Variants in SHISA9 observed in about 807,000 individuals in gnomAD.
The protein encoded by SHISA9 is protein shisa-9.
SHISA9 carries 13 observed loss-of-function variants against 38.0 expected under a neutral mutation model. That is an observed-to-expected ratio of 0.34 (90% CI 0.22 to 0.54). The LOEUF (loss-of-function observed/expected upper bound fraction) is 0.54, where lower values mean the gene tolerates loss of function less well. SHISA9 is among the 20% of genes least tolerant of loss of function. The pLI is 0.91. For synonymous variants in SHISA9, 275 were observed against 242.0 expected, an observed-to-expected ratio of 1.14 and a Z score of -1.27; for missense variants, 538 against 575.8, an observed-to-expected ratio of 0.93 and a Z score of 0.67.
intron 3 of SHISA9, chr16:13,204,846 C>G (rs1003913642): frequency 6.6e-6 from 1 of 152,190 alleles, no homozygotes; most frequent in Non-Finnish European, 1.5e-5. Flanking sequence ...AGAATTGAAC[C>G]CTATTTTTAT....
At chr16:13,507,484 C>A in the SHISA9 span, among the ~76,000 whole-genome samples, 41 of 152,222 alleles carry the variant, frequency 2.7e-4, no homozygotes, top group African/African-American at 9.4e-4. Flanking sequence ...TGACCTGGAG[C>A]TCTTGTTCCA....
the SHISA9 span, among the ~76,000 whole-genome samples, chr16:13,365,682 C>T: frequency 1.3e-5 from 2 of 152,106 alleles, no homozygotes; most frequent in Non-Finnish European, 1.5e-5. Context: ...TGGTCTCGAA[C>T]TCCTGACCTC....
At chr16:13,520,558 G>T in the SHISA9 span, among the ~76,000 whole-genome samples, 1 of 143,784 alleles carries the variant, frequency 7.0e-6, no homozygotes, top group Non-Finnish European at 1.5e-5. Flanking sequence ...AGCTGAGATG[G>T]CGCCATTGCA....
At chr16:13,219,343 A>G (rs2051200646) in intron 4 of SHISA9, among the ~76,000 whole-genome samples, 2 of 152,202 alleles carry the variant, frequency 1.3e-5, no homozygotes, top group South Asian at 4.1e-4. Context: ...AACTGGGCAT[A>G]GTGTTCAAAG....
At chr16:13,149,387 G>T (rs958872666) in intron 2 of SHISA9, among the ~76,000 whole-genome samples, 4 of 152,142 alleles carry the variant, frequency 2.6e-5, no homozygotes, top group Non-Finnish European at 5.9e-5. Context: ...TGCTCACTGG[G>T]CACAGGGTCA....
At chr16:13,486,845 C>G in the SHISA9 span, among the ~76,000 whole-genome samples, 4 of 152,238 alleles carry the variant, frequency 2.6e-5, no homozygotes, top group Non-Finnish European at 5.9e-5. Flanking sequence ...ACTGGGATTA[C>G]AGGCATGCGC....
chr16:13,004,639 G>T (rs1466102263), intron 2 of SHISA9, among the ~76,000 whole-genome samples: 1 of 151,920 alleles, frequency 6.6e-6, no homozygotes, highest in East Asian at 1.9e-4. Flanking sequence ...AAAGAAACAG[G>T]GTCTGCTAGG....
intron 2 of SHISA9, among the ~76,000 whole-genome samples, chr16:12,989,400 A>T (rs2072355311): frequency 6.6e-6 from 1 of 151,510 alleles, no homozygotes; most frequent in Non-Finnish European, 1.5e-5. Context: ...CTGGTCTCGA[A>T]CTCCTGACCT....
At chr16:13,537,383 A>G in the SHISA9 span, among the ~76,000 whole-genome samples, 1 of 151,540 alleles carries the variant, frequency 6.6e-6, no homozygotes, top group Non-Finnish European at 1.5e-5. Flanking sequence ...AGCCGAGATC[A>G]CACCATTGCA....
At chr16:13,509,085 T>G in the SHISA9 span, among the ~76,000 whole-genome samples, 1 of 152,122 alleles carries the variant, frequency 6.6e-6, no homozygotes, top group Non-Finnish European at 1.5e-5. Flanking sequence ...TGAATAGGAA[T>G]TTGAAATCAG....
the SHISA9 span, among the ~76,000 whole-genome samples, chr16:13,515,340 G>A: frequency 6.6e-6 from 1 of 152,070 alleles, no homozygotes; most frequent in Admixed American, 6.5e-5. Context: ...GAAACTTAAG[G>A]CTACATGAAA....
chr16:13,320,089 G>A, the SHISA9 span, among the ~76,000 whole-genome samples: 19,515 of 151,452 alleles, frequency 0.13, 1,359 homozygotes, highest in Middle Eastern at 0.15. Context: ...TCAGGAGATC[G>A]AGACCATCCT....
the SHISA9 span, among the ~76,000 whole-genome samples, chr16:13,367,749 C>CACACACACACACA: frequency 6.7e-6 from 1 of 149,178 alleles, no homozygotes; most frequent in African/African-American, 2.5e-5. Flanking sequence ...CACACACACA[C>CACACACACACACA]CCCTGAATTT....
the SHISA9 span, among the ~76,000 whole-genome samples, chr16:13,377,969 G>T: frequency 1.3e-5 from 2 of 152,196 alleles, no homozygotes; most frequent in African/African-American, 4.8e-5. Context: ...GAAGGCGGAG[G>T]TGGCAGTGAG....
At chr16:13,229,609 G>T (rs992444376) in intron 4 of SHISA9, among the ~76,000 whole-genome samples, 1 of 152,166 alleles carries the variant, frequency 6.6e-6, no homozygotes, top group Non-Finnish European at 1.5e-5. Context: ...AGGGGTCCAG[G>T]TGTCTGAACA....
chr16:12,972,278 C>G (rs1444278667), intron 2 of SHISA9, among the ~76,000 whole-genome samples: 4 of 152,012 alleles, frequency 2.6e-5, no homozygotes, highest in Non-Finnish European at 5.9e-5. Flanking sequence ...TAAGAGGAAA[C>G]AGAAGAGCAG....
chr16:13,377,054 C>T, the SHISA9 span, among the ~76,000 whole-genome samples: 1 of 152,206 alleles, frequency 6.6e-6, no homozygotes, highest in African/African-American at 2.4e-5. Context: ...ATGCTGCTTC[C>T]ATCCTCTCAG....
the SHISA9 span, among the ~76,000 whole-genome samples, chr16:13,458,855 G>C: frequency 7.8e-3 from 1,177 of 151,274 alleles, 11 homozygotes; most frequent in African/African-American, 0.027. Flanking sequence ...GTTTTGTTTT[G>C]TTTTGTTTTT....
At chr16:13,530,849 T>A in the SHISA9 span, among the ~76,000 whole-genome samples, 1 of 152,114 alleles carries the variant, frequency 6.6e-6, no homozygotes, top group Admixed American at 6.5e-5. Context: ...TCAGGAATGG[T>A]CATGTGACAC....
Sources: allele counts gnomAD v4.1 joint callset (sites outside exome capture counted in the v4.1 genomes callset), GRCh38; gene constraint gnomAD v4.1.1; transcripts MANE v1.5; gene names NCBI Gene and HGNC (gene_info 2026-07-23, HGNC 2026-07-21).